Variants in YJU2B observed in about 807,000 individuals in gnomAD.
YJU2B encodes the protein probable splicing factor YJU2B.
In YJU2B, 18 loss-of-function variants were observed where a neutral mutation model predicts 38.0. The ratio of observed to expected loss-of-function variants is 0.47; its 90% CI spans 0.33 to 0.70. The LOEUF is 0.70. Among genes scored for constraint, YJU2B ranks in the 30% least tolerant of loss-of-function variants. YJU2B has a pLI of 0.02. For synonymous variants in YJU2B, 246 were observed against 225.4 expected (o/e 1.09, Z -0.82); for missense variants, 538 against 556.3 (o/e 0.97, Z 0.33).
intron 1 of YJU2B, among the ~76,000 whole-genome samples, chr19:13,751,382 T>C (rs1973456535): frequency 6.6e-6 from 1 of 152,028 alleles, no homozygotes; most frequent in Non-Finnish European, 1.5e-5. Context: ...GCCACTGCAC[T>C]CCAGCCTGGT....
upstream of YJU2B, among the ~76,000 whole-genome samples, chr19:13,745,708 T>TAGATATAG (rs58419018): frequency 1.8e-5 from 1 of 56,360 alleles, no homozygotes; most frequent in African/African-American, 6.3e-5. Context: ...TATATAGATA[T>TAGATATAG]CTATAGATCT....
At chr19:13,733,840 A>G (rs1316157033) in intron 2 of YJU2B, among the ~76,000 whole-genome samples, 1 of 152,252 alleles carries the variant, frequency 6.6e-6, no homozygotes, top group African/African-American at 2.4e-5. Context: ...CTATTGAGAA[A>G]CACTGGCCAT....
At chr19:13,747,184 C>T (rs111803852), upstream of YJU2B, among the ~76,000 whole-genome samples, 1,261 of 152,242 alleles carry the variant, frequency 8.3e-3, 14 homozygotes, top group African/African-American at 0.029. Flanking sequence ...TCAGAGAAAA[C>T]CTCTCCTTCC....
At chr19:13,748,864 CAATCTAA>C (rs994826578) in intron 1 of YJU2B, among the ~76,000 whole-genome samples, 7 of 152,160 alleles carry the variant, frequency 4.6e-5, no homozygotes, top group African/African-American at 1.7e-4. Flanking sequence ...TGGAATAATC[CAATCTAA>C]AGGACACACT....
At chr19:13,757,363 A>G in intron 4 of YJU2B, 55 bp from the exon 5 acceptor site, 1 of 1,496,692 alleles carries the variant, frequency 6.7e-7, no homozygotes, top group African/African-American at 1.4e-5. Flanking sequence ...AGGTGTGGAG[A>G]CCCAGGGAGT....
At chr19:13,751,522 C>A (rs1973462911) in intron 1 of YJU2B, 86 bp from the exon 2 acceptor site, 2 of 456,360 alleles carry the variant, frequency 4.4e-6, no homozygotes, top group Admixed American at 3.8e-5. Flanking sequence ...GGTGCTGGAC[C>A]CGGTGGGGGC....
chr19:13,737,183 A>C (rs1972973279), intron 2 of YJU2B, among the ~76,000 whole-genome samples: 1 of 151,976 alleles, frequency 6.6e-6, no homozygotes, highest in African/African-American at 2.4e-5. Flanking sequence ...ACATGACAAC[A>C]CCCAGCCTAG....
At chr19:13,734,516 C>A (rs1972895862) in intron 2 of YJU2B, among the ~76,000 whole-genome samples, 1 of 151,990 alleles carries the variant, frequency 6.6e-6, no homozygotes, top group Non-Finnish European at 1.5e-5. Context: ...TCTTGAACTC[C>A]TGGCCTCAAG....
intron 4 of YJU2B, 107 bp from the exon 5 acceptor site, chr19:13,757,311 C>G (rs571910375): frequency 1.2e-6 from 1 of 841,508 alleles, no homozygotes; most frequent in Non-Finnish European, 2.0e-6. Context: ...ACAGGGCAGT[C>G]TAATACCCCA....
upstream of YJU2B, among the ~76,000 whole-genome samples, chr19:13,746,851 G>A (rs1973264129): frequency 6.6e-6 from 1 of 151,992 alleles, no homozygotes; most frequent in Non-Finnish European, 1.5e-5. Context: ...AGAGCGCAGT[G>A]AGCTGAGATC....
At chr19:13,754,254 C>T (rs768222954) in intron 2 of YJU2B, 35 bp from the exon 3 acceptor site, 34 of 1,575,188 alleles carry the variant, frequency 2.2e-5, no homozygotes, top group Non-Finnish European at 2.8e-5. Flanking sequence ...CCATATCAGC[C>T]TCTCTCTGAG....
intron 2 of YJU2B, among the ~76,000 whole-genome samples, chr19:13,752,747 A>G (rs1402804162): frequency 1.3e-5 from 2 of 152,034 alleles, no homozygotes; most frequent in Non-Finnish European, 2.9e-5. Flanking sequence ...TCCATCTCAA[A>G]AAAAAAAATA....
intron 8 of YJU2B, 129 bp from the exon 9 acceptor site, chr19:13,762,169 TG>T (rs1973912604): frequency 8.9e-7 from 1 of 1,127,616 alleles, no homozygotes; most frequent in South Asian, 1.5e-5. Context: ...CACTCCAGTC[TG>T]GGCGACAGAA....
intron 2 of YJU2B, among the ~76,000 whole-genome samples, chr19:13,742,078 C>T (rs550613018): frequency 2.8e-5 from 4 of 144,210 alleles, no homozygotes; most frequent in Non-Finnish European, 4.5e-5. Flanking sequence ...CATAATAAGA[C>T]GGCCTTTGTT....
At chr19:13,733,751 A>G (rs911474505) in intron 2 of YJU2B, among the ~76,000 whole-genome samples, 2 of 152,108 alleles carry the variant, frequency 1.3e-5, no homozygotes, top group African/African-American at 2.4e-5. Context: ...ATTAGACGCC[A>G]TGAACACTCC....
rs540313498 is a variant in YJU2B, at chr19:13,753,625, A to G, written c.4-664A>G. On this transcript the variant is annotated intron_variant, in intron 2 of 9. Coordinates refer to ENST00000221554, the MANE Select transcript of YJU2B (RefSeq NM_030818.4). ...ACATACTCAAGCCTGGGTAATTTAT[A>G]AAGGAAAGAGGTTTAATTGACTCAC... Among the ~76,000 whole-genome samples the G allele has an allele frequency of 1.7e-4, 26 of 151,616 alleles. No homozygotes were observed. In the East Asian group the frequency reaches 4.5e-3, roughly 26 times the overall value.
chr19:13,762,956 C>T lies in YJU2B; in HGVS notation c.1079C>T (p.Pro360Leu), dbSNP rs776553036. The change falls in exon 10 of 10, where the codon CCC becomes CTC. Residue 360 changes from proline (P) to leucine (L), a missense_variant. Coordinates refer to ENST00000221554, the MANE Select transcript of YJU2B (RefSeq NM_030818.4). Reference protein sequence around the residue: ...RGQEGSRQDKPLSPAGSSQEA... With the variant: ...RGQEGSRQDKLLSPAGSSQEA... ...CAGGAAGGGAGCCGTCAGGACAAGC[C>T]CCTGTCGCCAGCAGGCTCCTCCCAG... 1 of 1,611,994 alleles carries T rather than the reference C, an allele frequency of 6.2e-7. No homozygotes were observed. The highest frequency in any genetic ancestry group is 8.5e-7 in the Non-Finnish European group (1 of 1,179,674).
chr19:13,734,293 ATTGT>A (rs1204503079), intron 2 of YJU2B, among the ~76,000 whole-genome samples: 1 of 150,322 alleles, frequency 6.7e-6, no homozygotes, highest in Non-Finnish European at 1.5e-5. Flanking sequence ...CACTGTAGAG[ATTGT>A]TTTTTTTTTT....
exon 1 of YJU2B, chr19:13,731,919 A>G (rs960598601): frequency 6.6e-6 from 1 of 152,248 alleles, no homozygotes; most frequent in Non-Finnish European, 1.5e-5. Context: ...GGAGAAGACC[A>G]TCGCCTTCCA....
Sources: gnomAD v4.1 joint callset for allele counts (sites outside exome capture counted in the v4.1 genomes callset) on GRCh38, gnomAD v4.1.1 for gene constraint, MANE v1.5 for transcripts, NCBI Gene and HGNC (gene_info 2026-07-23, HGNC 2026-07-21) for gene names.